Variants in FAT3 observed in about 807,000 individuals in gnomAD.
The protein encoded by FAT3 is FAT atypical cadherin 3.
FAT3 carries 95 observed loss-of-function variants against 310.2 expected under a neutral mutation model. The observed-to-expected ratio is 0.31, with a 90% CI of 0.26 to 0.36. The LOEUF (loss-of-function observed/expected upper bound fraction) is 0.36, where lower values mean the gene tolerates loss of function less well. Ranked by LOEUF, FAT3 falls within the 10% of genes least tolerant of loss-of-function variation. The pLI is 1.00. For missense variants in FAT3, 5,408 were observed against 5,715.6 expected, an observed-to-expected ratio of 0.95 and a Z score of 1.74; for synonymous variants, 2,314 against 2,192.9, an observed-to-expected ratio of 1.06 and a Z score of -1.54.
chr11:92,745,259 G>T (rs1177792731), intron 4 of FAT3, among the ~76,000 whole-genome samples: 4 of 152,320 alleles, frequency 2.6e-5, no homozygotes, highest in South Asian at 4.1e-4. Context: ...ATCGACTAAG[G>T]CCTTGATGTC....
chr11:92,586,295 C>T (rs921310785), intron 3 of FAT3, among the ~76,000 whole-genome samples: 2 of 151,946 alleles, frequency 1.3e-5, no homozygotes, highest in South Asian at 2.1e-4. Context: ...GGAGGAGTGG[C>T]ACCTCAGTAG....
At chr11:92,268,854 A>C (rs1358089327) in intron 1 of FAT3, among the ~76,000 whole-genome samples, 1 of 152,168 alleles carries the variant, frequency 6.6e-6, no homozygotes, top group Admixed American at 6.5e-5. Flanking sequence ...CTTTTAAGGA[A>C]AGGGGAAGAA....
intron 2 of FAT3, among the ~76,000 whole-genome samples, chr11:92,510,947 A>G (rs1325154780): frequency 6.6e-6 from 1 of 152,214 alleles, no homozygotes; most frequent in Non-Finnish European, 1.5e-5. Context: ...GTAGAACAAA[A>G]GTGTCCAGGG....
At chr11:92,684,748 A>C (rs1565511588) in intron 3 of FAT3, among the ~76,000 whole-genome samples, 1 of 152,080 alleles carries the variant, frequency 6.6e-6, no homozygotes, top group Admixed American at 6.6e-5. Context: ...CCACACCCCC[A>C]TACTAGCCCC....
intron 3 of FAT3, among the ~76,000 whole-genome samples, chr11:92,672,578 A>T (rs1354919473): frequency 1.3e-5 from 2 of 152,208 alleles, no homozygotes; most frequent in African/African-American, 4.8e-5. Context: ...TTGCCAAAAA[A>T]ATATATCAGT....
intron 4 of FAT3, among the ~76,000 whole-genome samples, chr11:92,751,494 G>A (rs888174109): frequency 6.6e-6 from 1 of 152,160 alleles, no homozygotes; most frequent in Non-Finnish European, 1.5e-5. Flanking sequence ...AGAGGGAGCT[G>A]ATGATGTAAC....
At position 92,892,719 on chromosome 11, in the gene FAT3, T is replaced by C. The variant is rs891952360; in HGVS notation, c.*1606T>C. 4.6e-5 allele frequency: 7 copies of C among 152,190 alleles called. No individual in the cohort carries two copies. The highest frequency in any genetic ancestry group is 3.2e-3 in the Middle Eastern group (1 of 316). The allele number at this position is 152,190 out of a possible 1,614,324, so 9.4% of individuals were successfully genotyped here. On this transcript the variant is annotated 3_prime_UTR_variant, in exon 28 of 28. Coordinates refer to ENST00000525166, the MANE Select transcript of FAT3 (RefSeq NM_001367949.2). ...AGCCACCGTGCCCAGCCCAAAACTG[T>C]GCTTTTTAAAAACAGTATTTTGTTA...
intron 4 of FAT3, among the ~76,000 whole-genome samples, chr11:92,752,491 T>C (rs1447460714): frequency 6.6e-6 from 1 of 152,242 alleles, no homozygotes. Context: ...CAGTGAGTAC[T>C]TGATGCATAG....
intron 1 of FAT3, among the ~76,000 whole-genome samples, chr11:92,311,206 A>G (rs1390651252): frequency 6.6e-6 from 1 of 152,138 alleles, no homozygotes; most frequent in Non-Finnish European, 1.5e-5. Flanking sequence ...CATTTCAAAA[A>G]CAGATTGCCC....
chr11:92,812,021 G>C (rs1380966347), intron 13 of FAT3, among the ~76,000 whole-genome samples: 3 of 152,166 alleles, frequency 2.0e-5, no homozygotes, highest in Non-Finnish European at 4.4e-5. Context: ...GAGTAGACAG[G>C]AGATTCCAGT....
intron 3 of FAT3, among the ~76,000 whole-genome samples, chr11:92,630,170 C>G (rs1360282196): frequency 2.6e-5 from 4 of 152,172 alleles, no homozygotes; most frequent in African/African-American, 9.7e-5. Context: ...TGTGTGTTCA[C>G]TGTAGAACAC....
intron 3 of FAT3, among the ~76,000 whole-genome samples, chr11:92,562,644 A>G (rs1233972466): frequency 6.6e-6 from 1 of 152,206 alleles, no homozygotes; most frequent in African/African-American, 2.4e-5. Flanking sequence ...GGTGCAATTC[A>G]GTTAGAGTCA....
intron 3 of FAT3, among the ~76,000 whole-genome samples, chr11:92,575,441 A>G (rs573442012): frequency 6.6e-6 from 1 of 152,306 alleles, no homozygotes; most frequent in Middle Eastern, 3.4e-3. Context: ...TTTGTATTAA[A>G]ATTATTTCTG....
At chr11:92,835,264 G>C (rs1414201711) in intron 15 of FAT3, among the ~76,000 whole-genome samples, 180 bp downstream of exon 15, 2 of 152,210 alleles carry the variant, frequency 1.3e-5, no homozygotes, top group Non-Finnish European at 2.9e-5. Context: ...ATATTAGGAA[G>C]AGTCTGATAG....
intron 7 of FAT3, among the ~76,000 whole-genome samples, chr11:92,781,421 T>C (rs1245161594): frequency 6.6e-6 from 1 of 151,988 alleles, no homozygotes. Flanking sequence ...AAATCAGGTG[T>C]TATCATTACA....
chr11:92,803,013 G>A (rs576717368), intron 10 of FAT3, among the ~76,000 whole-genome samples: 2 of 123,940 alleles, frequency 1.6e-5, no homozygotes, highest in African/African-American at 2.9e-5. Flanking sequence ...AACACTTTAT[G>A]ATCTATCTGA....
At chr11:92,855,138 C>T (rs1948937189) in intron 19 of FAT3, among the ~76,000 whole-genome samples, 1 of 152,170 alleles carries the variant, frequency 6.6e-6, no homozygotes, top group African/African-American at 2.4e-5. Context: ...GCTAGCTAGA[C>T]GTGTGCAGGC....
At chr11:92,765,790 G>GC (rs1256174944) in intron 6 of FAT3, among the ~76,000 whole-genome samples, 4 of 4,922 alleles carry the variant, frequency 8.1e-4, no homozygotes, top group Non-Finnish European at 1.0e-3. Flanking sequence ...TTTTTTTTGA[G>GC]GGGGGGGTTG....
Position 92,697,364 on chromosome 11 carries a change from A to G in FAT3, c.3608-20A>G. The G allele has an allele frequency of 1.9e-6, 3 of 1,612,380 alleles. No individual in the cohort carries two copies. The highest frequency in any genetic ancestry group is 2.5e-6 in the Non-Finnish European group (3 of 1,178,880). ...TTTGCCCCAGATATTTAAAAGTCAAATATTCTCATTTCTACACAGGTCTGA... is the reference window on the plus strand; with the variant it reads ...TTTGCCCCAGATATTTAAAAGTCAAGTATTCTCATTTCTACACAGGTCTGA... On this transcript the variant is annotated intron_variant, in intron 3 of 27. Coordinates refer to ENST00000525166, the MANE Select transcript of FAT3 (RefSeq NM_001367949.2).
Sources: allele counts gnomAD v4.1 joint callset (sites outside exome capture counted in the v4.1 genomes callset), GRCh38; gene constraint gnomAD v4.1.1; transcripts MANE v1.5; gene names NCBI Gene and HGNC (gene_info 2026-07-23, HGNC 2026-07-21).